OPRD1: variants seen among roughly 807,000 people sequenced by gnomAD.
OPRD1 encodes the protein opioid receptor delta 1, also known as delta-type opioid receptor.
In OPRD1, 19 loss-of-function variants were observed where a neutral mutation model predicts 17.5. The ratio of observed to expected loss-of-function variants is 1.09; its 90% confidence interval spans 0.76 to 1.60. The LOEUF (loss-of-function observed/expected upper bound fraction) is 1.60, where lower values mean the gene tolerates loss of function less well. OPRD1 is among the 40% of genes most tolerant of loss of function. OPRD1 has a pLI of 0.00. For synonymous variants in OPRD1, 256 were observed against 240.9 expected, an observed-to-expected ratio of 1.06 and a Z score of -0.58; for missense variants, 483 against 547.2, an observed-to-expected ratio of 0.88 and a Z score of 1.17.
At chr1:28,848,181 G>A (rs182331091) in intron 1 of OPRD1, among the ~76,000 whole-genome samples, 146 of 152,100 alleles carry the variant, frequency 9.6e-4, no homozygotes, top group African/African-American at 3.0e-3. Flanking sequence ...CCTGGGAGGC[G>A]GAGGTTGCAG....
At chr1:28,823,069 G>T (rs542582743) in intron 1 of OPRD1, among the ~76,000 whole-genome samples, 1 of 152,160 alleles carries the variant, frequency 6.6e-6, no homozygotes, top group East Asian at 1.9e-4. Context: ...CTGTGGGGTG[G>T]AATGAGGGGG....
chr1:28,812,370 G>T lies in OPRD1; in HGVS notation c.-14G>T. The stretch of plus-strand genomic sequence containing the variant: ...GCACGGTGGAGAGGGACGCGGCGGA[G>T]CCGGCCGGCAGCCATGGAACCGGCC... On this transcript the variant is annotated 5_prime_UTR_variant, in exon 1 of 3. Transcript: ENST00000234961. 7.3e-7 allele frequency: 1 copy of T among 1,369,826 alleles called. No homozygotes were observed. The highest frequency in any genetic ancestry group is 1.7e-5 in the South Asian group (1 of 59,390). The allele number at this position is 1,369,826 out of a possible 1,614,324, so 84.9% of individuals were successfully genotyped here.
intron 1 of OPRD1, among the ~76,000 whole-genome samples, chr1:28,840,714 G>A (rs1297602382): frequency 6.6e-6 from 1 of 152,156 alleles, no homozygotes; most frequent in Non-Finnish European, 1.5e-5. Flanking sequence ...TTGAGGTCAG[G>A]AGTTCAAGAC....
chr1:28,845,664 A>G (rs1343591147), intron 1 of OPRD1, among the ~76,000 whole-genome samples: 1 of 152,176 alleles, frequency 6.6e-6, no homozygotes, highest in African/African-American at 2.4e-5. Context: ...TGGTGTCATG[A>G]AGCTTTCCCA....
At chr1:28,830,873 C>T (rs1286841461) in intron 1 of OPRD1, among the ~76,000 whole-genome samples, 1 of 152,220 alleles carries the variant, frequency 6.6e-6, no homozygotes, top group East Asian at 1.9e-4. Context: ...TGCTGTATGG[C>T]TTTAGCACAG....
Position 28,813,804 on chromosome 1 carries a change from G to C in OPRD1, c.227+1194G>C, listed in dbSNP as rs936114125. Among the ~76,000 whole-genome samples the C allele has an allele frequency of 2.6e-5, 4 of 152,336 alleles. No homozygotes were observed. The East Asian group carries it at 5.8e-4, about 22-fold the overall frequency. The stretch of plus-strand genomic sequence containing the variant: ...GGTCAGGTCGTGGACTCAGAGGTTA[G>C]AGAGATGAACTGTAGTCTCAGCCTA... On this transcript the variant is annotated intron_variant, in intron 1 of 2. Transcript: ENST00000234961.
chr1:28,826,876 T>C (rs2088772887), intron 1 of OPRD1, among the ~76,000 whole-genome samples: 1 of 152,228 alleles, frequency 6.6e-6, no homozygotes, highest in South Asian at 2.1e-4. Flanking sequence ...CTTTCAAAAT[T>C]GGAGTCAGTC....
intron 1 of OPRD1, among the ~76,000 whole-genome samples, chr1:28,847,816 G>T (rs888992593): frequency 6.6e-6 from 1 of 151,996 alleles, no homozygotes; most frequent in Non-Finnish European, 1.5e-5. Context: ...GGGCAACAGG[G>T]TGAGAACCTG....
chr1:28,841,972 C>T (rs1381884216), intron 1 of OPRD1, among the ~76,000 whole-genome samples: 1 of 151,768 alleles, frequency 6.6e-6, no homozygotes, highest in African/African-American at 2.4e-5. Flanking sequence ...GATTCACCCA[C>T]CTCAGCCTCC....
intron 1 of OPRD1, among the ~76,000 whole-genome samples, chr1:28,853,925 G>T (rs1261137011): frequency 1.3e-5 from 2 of 151,832 alleles, no homozygotes; most frequent in African/African-American, 4.8e-5. Context: ...ATTTTTTGTA[G>T]AGATAGGGTT....
intron 1 of OPRD1, among the ~76,000 whole-genome samples, chr1:28,827,355 G>A (rs1181570228): frequency 1.3e-5 from 2 of 152,158 alleles, no homozygotes; most frequent in African/African-American, 4.8e-5. Flanking sequence ...GTCTCACTGT[G>A]TTGCCCAGGC....
At chr1:28,837,638 T>A (rs543409031) in intron 1 of OPRD1, among the ~76,000 whole-genome samples, 1 of 151,162 alleles carries the variant, frequency 6.6e-6, no homozygotes, top group Non-Finnish European at 1.5e-5. Flanking sequence ...CAGAGTGAGA[T>A]TCCGTCTCAA....
intron 1 of OPRD1, among the ~76,000 whole-genome samples, chr1:28,847,954 T>TG (rs2088967907): frequency 6.6e-6 from 1 of 151,550 alleles, no homozygotes; most frequent in African/African-American, 2.4e-5. Context: ...ACCCAGTTAT[T>TG]GGAAAAAAAA....
rs531681098 is a variant in OPRD1 at position 28,859,115 on chromosome 1, A to G, written c.389A>G (p.Tyr130Cys). The G allele has an allele frequency of 6.2e-7, 1 of 1,614,194 alleles. No homozygotes were observed. The highest frequency in any genetic ancestry group is 1.7e-5 in the Admixed American group (1 of 60,024). The change falls in exon 2 of 3, where the codon TAC (tyrosine) becomes TGC (cysteine). Residue 130 changes from tyrosine to cysteine, a missense_variant. Coordinates refer to ENST00000234961, the MANE Select transcript of OPRD1 (RefSeq NM_000911.4). ...AAGGCTGTGCTCTCCATCGACTACT[A>G]CAATATGTTCACCAGCATCTTCACG... ...LCKAVLSIDY[Y>C]NMFTSIFTLT...
intron 1 of OPRD1, among the ~76,000 whole-genome samples, chr1:28,857,701 G>T (rs916889762): frequency 6.6e-6 from 1 of 152,126 alleles, no homozygotes; most frequent in Non-Finnish European, 1.5e-5. Context: ...GCCCAGGGTG[G>T]TTTTGAACTA....
At chr1:28,842,889 G>A (rs2088906282) in intron 1 of OPRD1, among the ~76,000 whole-genome samples, 1 of 151,500 alleles carries the variant, frequency 6.6e-6, no homozygotes, top group Non-Finnish European at 1.5e-5. Context: ...AACATAGCAA[G>A]ATCCCATCTC....
At chr1:28,832,443 C>T (rs1255107040) in intron 1 of OPRD1, among the ~76,000 whole-genome samples, 1 of 151,902 alleles carries the variant, frequency 6.6e-6, no homozygotes, top group Non-Finnish European at 1.5e-5. Flanking sequence ...CACAGGGAGA[C>T]CCCATTTCTA....
chr1:28,821,574 C>T (rs1359446152), intron 1 of OPRD1, among the ~76,000 whole-genome samples: 1 of 152,094 alleles, frequency 6.6e-6, no homozygotes, highest in Non-Finnish European at 1.5e-5. Flanking sequence ...GGTCACATGT[C>T]GAAGTCATGA....
intron 1 of OPRD1, among the ~76,000 whole-genome samples, chr1:28,842,221 G>A (rs2088901959): frequency 6.6e-6 from 1 of 151,862 alleles, no homozygotes; most frequent in Admixed American, 6.6e-5. Flanking sequence ...GTAGAGACGG[G>A]GGTTCGCCAT....
Sources: allele counts gnomAD v4.1 joint callset (sites outside exome capture counted in the v4.1 genomes callset), GRCh38; gene constraint gnomAD v4.1.1; transcripts MANE v1.5; gene names NCBI Gene and HGNC (gene_info 2026-07-23, HGNC 2026-07-21).